REV3L: variants seen among roughly 807,000 people sequenced by gnomAD.
The protein encoded by REV3L is REV3 like, DNA directed polymerase zeta catalytic subunit.
REV3L carries 69 observed loss-of-function variants against 299.4 expected under a neutral mutation model. The observed-to-expected ratio is 0.23, with a 90% confidence interval of 0.19 to 0.28. The LOEUF (loss-of-function observed/expected upper bound fraction) is 0.28. REV3L is among the 10% of genes least tolerant of loss of function. The pLI, the probability that REV3L is intolerant of heterozygous loss-of-function variation, is 1.00. For missense variants in REV3L, 3,128 were observed against 3,693.8 expected (o/e 0.85, Z 3.97); for synonymous variants, 1,238 against 1,271.4 (o/e 0.97, Z 0.56).
intron 1 of REV3L, among the ~76,000 whole-genome samples, chr6:111,426,203 A>G (rs1387577151): frequency 6.6e-6 from 1 of 152,188 alleles, no homozygotes; most frequent in Admixed American, 6.5e-5. Context: ...TCAGAATTGA[A>G]TTCAATTGTA....
At chr6:111,381,467 A>G in intron 9 of REV3L, 23 bp from the exon 10 acceptor site, 1 of 1,586,810 alleles carries the variant, frequency 6.3e-7, no homozygotes, top group Non-Finnish European at 8.5e-7. Context: ...AAGAATAAAA[A>G]AAATTGAAGC....
intron 19 of REV3L, among the ~76,000 whole-genome samples, chr6:111,349,572 CTTTT>C (rs930522333): frequency 6.6e-6 from 1 of 151,984 alleles, no homozygotes; most frequent in African/African-American, 2.4e-5. Context: ...TTGGCACTAC[CTTTT>C]TTTGTTTGTT....
intron 1 of REV3L, chr6:111,430,342 A>G (rs993770523): frequency 1.5e-5 from 18 of 1,181,706 alleles, no homozygotes; most frequent in African/African-American, 6.0e-5. Flanking sequence ...CTCCATGATC[A>G]TTAAACACCC....
At chr6:111,331,410 A>G (rs1419543551) in intron 24 of REV3L, among the ~76,000 whole-genome samples, 1 of 152,206 alleles carries the variant, frequency 6.6e-6, no homozygotes, top group East Asian at 1.9e-4. Flanking sequence ...AGAAAGTATA[A>G]GCATACGTTT....
At chr6:111,410,048 T>C (rs922074302) in intron 3 of REV3L, among the ~76,000 whole-genome samples, 11 of 152,164 alleles carry the variant, frequency 7.2e-5, no homozygotes, top group African/African-American at 2.4e-4. Context: ...TTATTAAACA[T>C]GCATAAACAG....
chr6:111,451,623 C>T (rs981059173), intron 1 of REV3L, among the ~76,000 whole-genome samples: 1 of 151,934 alleles, frequency 6.6e-6, no homozygotes, highest in African/African-American at 2.4e-5. Flanking sequence ...AAATTTTGGG[C>T]CCAATACCGA....
At chr6:111,412,094 A>G (rs1784307957) in intron 2 of REV3L, 1 of 985,314 alleles carries the variant, frequency 1.0e-6, no homozygotes, top group Non-Finnish European at 1.2e-6. Context: ...TATAAGTTCA[A>G]TAAGCAGAGA....
chr6:111,319,661 G>A (rs1234421674), intron 26 of REV3L, among the ~76,000 whole-genome samples: 2 of 151,736 alleles, frequency 1.3e-5, no homozygotes, highest in African/African-American at 2.4e-5. Flanking sequence ...TAATTGGAAT[G>A]TCATCATAAT....
chr6:111,474,958 T>C (rs1189826615), intron 1 of REV3L, among the ~76,000 whole-genome samples: 6 of 148,998 alleles, frequency 4.0e-5, no homozygotes, highest in Non-Finnish European at 7.4e-5. Flanking sequence ...TATCCTCCCA[T>C]GCACATTACA....
At chr6:111,448,296 A>G (rs1789094499) in intron 1 of REV3L, among the ~76,000 whole-genome samples, 1 of 152,128 alleles carries the variant, frequency 6.6e-6, no homozygotes, top group Non-Finnish European at 1.5e-5. Context: ...ATTTCTCTAT[A>G]CTGTAATAAT....
chr6:111,469,334 T>C (rs1209740877), intron 1 of REV3L, among the ~76,000 whole-genome samples: 1 of 152,118 alleles, frequency 6.6e-6, no homozygotes, highest in Non-Finnish European at 1.5e-5. Flanking sequence ...AAAAATGGAA[T>C]AAAAACAAGA....
Position 111,365,295 on chromosome 6 carries a change from A to G in REV3L, c.6723T>C (p.Thr2241=), listed in dbSNP as rs1582699538. 6.4e-7 allele frequency: 1 copy of G among 1,570,976 alleles called. No homozygotes were observed. The highest frequency in any genetic ancestry group is 8.6e-7 in the Non-Finnish European group (1 of 1,159,432). Residue 2241 remains threonine, a synonymous_variant, in exon 15 of 32, where the codon ACT becomes ACC. Transcript: ENST00000368802. ...CTTGTGTTAACAGTACTCTTCTAAG[A>G]GTGTCAGTATTACTTCCTTTCTTAT... ...LSNKKGSNTD[T]LRRVLLTQAK...
In REV3L at chr6:111,450,002, G is replaced by A. The variant is rs559121336; in HGVS notation, c.139+32748C>T. Among the ~76,000 whole-genome samples, 8 of 152,220 alleles carry A rather than the reference G, an allele frequency of 5.3e-5. No homozygotes were observed. In the East Asian group the frequency reaches 1.5e-3, roughly 29 times the overall value. On this transcript the variant is annotated intron_variant, in intron 1 of 31. Coordinates refer to ENST00000368802, the MANE Select transcript of REV3L (RefSeq NM_001372078.1). The stretch of plus-strand genomic sequence containing the variant: ...ATGCCTGAATATATTAAATAGAGAT[G>A]TGGACAATAAACAAACATAAATCAA...
intron 1 of REV3L, among the ~76,000 whole-genome samples, chr6:111,478,254 A>G (rs944792726): frequency 1.3e-5 from 2 of 152,190 alleles, no homozygotes; most frequent in African/African-American, 2.4e-5. Flanking sequence ...ACACATTTCT[A>G]TAGTCCAGTC....
At chr6:111,438,485 C>T (rs1193872181) in intron 1 of REV3L, among the ~76,000 whole-genome samples, 2 of 145,394 alleles carry the variant, frequency 1.4e-5, no homozygotes, top group African/African-American at 2.6e-5. Context: ...TGGCTTTAAA[C>T]CCTGAATCAT....
At chr6:111,325,002 C>T (rs1774609276) in intron 25 of REV3L, among the ~76,000 whole-genome samples, 1 of 151,302 alleles carries the variant, frequency 6.6e-6, no homozygotes, top group Non-Finnish European at 1.5e-5. Context: ...GCTGGGACTA[C>T]AGGCACCCGC....
rs753786093 is a variant in REV3L at position 111,374,971 on chromosome 6, G to A, written c.3384C>T (p.Cys1128=). ...TSPINSSPPR[C]WSPTDPRAEE... is the part of the protein sequence containing the mutation. ...CAGCTCTTGGATCTGTGGGAGACCAGCAGCGAGGTGGAGAAGAATTTATGG... is the reference window on the plus strand; with the variant it reads ...CAGCTCTTGGATCTGTGGGAGACCAACAGCGAGGTGGAGAAGAATTTATGG... Residue 1128 remains cysteine, a synonymous_variant, in exon 13 of 32, where the codon TGC becomes TGT. Transcript: ENST00000368802. 6 of 1,612,388 alleles carry A rather than the reference G, an allele frequency of 3.7e-6. No homozygotes were observed. The South Asian group carries it at 6.6e-5, about 18-fold the overall frequency.
At position 111,351,531 on chromosome 6, in the gene REV3L, C is replaced by A. The variant is rs1339201372; in HGVS notation, c.7300+145G>T. The A allele has an allele frequency of 5.9e-6, 3 of 505,710 alleles. No homozygotes were observed. In the Admixed American group the frequency reaches 1.1e-4, roughly 19 times the overall value. 31.3% of individuals were successfully genotyped at this position (505,710 alleles called of 1,614,324 possible). On this transcript the variant is annotated intron_variant, in intron 19 of 31. Coordinates refer to ENST00000368802, the MANE Select transcript of REV3L (RefSeq NM_001372078.1). ...TTTATTTTATTTTTAATTTTTTCTA[C>A]AATGGAGTTATGCTATATCTAAAAC...
Position 111,376,776 on chromosome 6 carries a change from AAC to A in REV3L, c.1598-21_1598-20del, listed in dbSNP as rs771549169. ...GGATTGTCTGAAATGAGGAGGGAAA[AAC>A]AGTTTATTTCATTTTACTCTTTTAA... On this transcript the variant is annotated intron_variant, in intron 12 of 31. Coordinates refer to ENST00000368802, the MANE Select transcript of REV3L (RefSeq NM_001372078.1). 8 of 1,510,848 alleles carry A rather than the reference AAC, an allele frequency of 5.3e-6. No homozygotes were observed. Among genetic ancestry groups the A allele is most frequent in the Admixed American group, 2.3e-5 (1 of 44,114 alleles). 93.6% of individuals were successfully genotyped at this position (1,510,848 alleles called of 1,614,324 possible). A position where few individuals can be genotyped will look rare whatever the true frequency, so the allele number is the denominator to read the frequency against.
Sources: allele counts gnomAD v4.1 joint callset (sites outside exome capture counted in the v4.1 genomes callset), GRCh38; gene constraint gnomAD v4.1.1; transcripts MANE v1.5; gene names NCBI Gene and HGNC (gene_info 2026-07-23, HGNC 2026-07-21).